The following PTPN14 variants were observed in gnomAD, a reference collection of about 807,000 sequenced individuals.
The protein encoded by PTPN14 is tyrosine-protein phosphatase non-receptor type 14.
A neutral mutation model predicts 126.8 loss-of-function variants in PTPN14; 53 were observed. That is an observed-to-expected ratio of 0.42 (90% CI 0.34 to 0.53). The LOEUF (loss-of-function observed/expected upper bound fraction) is 0.53. PTPN14 is among the 20% of genes least tolerant of loss of function. PTPN14 has a pLI of 0.08. For missense variants in PTPN14, 1,257 were observed against 1,552.9 expected (o/e 0.81, Z 3.20); for synonymous variants, 630 against 599.3 (o/e 1.05, Z -0.75).
chr1:214,550,214 G>A (rs1571665719), intron 1 of PTPN14, among the ~76,000 whole-genome samples: 1 of 152,238 alleles, frequency 6.6e-6, no homozygotes, highest in African/African-American at 2.4e-5. Context: ...GTTCCTAGCA[G>A]AGTAGAAGCT....
intron 1 of PTPN14, chr1:214,533,379 T>C: frequency 2.2e-6 from 1 of 456,468 alleles, no homozygotes; most frequent in South Asian, 1.9e-5. Flanking sequence ...CAGCAGCAAC[T>C]CCACGCAAAC....
At chr1:214,407,683 T>C (rs1659202374) in intron 5 of PTPN14, among the ~76,000 whole-genome samples, 1 of 152,342 alleles carries the variant, frequency 6.6e-6, no homozygotes, top group Admixed American at 6.5e-5. Flanking sequence ...GACACTCTAC[T>C]TTCTCCCATA....
At chr1:214,481,417 A>C (rs1660982537) in intron 1 of PTPN14, among the ~76,000 whole-genome samples, 1 of 147,170 alleles carries the variant, frequency 6.8e-6, no homozygotes, top group African/African-American at 2.5e-5. Context: ...AGGCTGAGGC[A>C]GGAGAATTGC....
intron 1 of PTPN14, among the ~76,000 whole-genome samples, chr1:214,525,392 A>G (rs1655363750): frequency 6.6e-6 from 1 of 152,236 alleles, no homozygotes; most frequent in African/African-American, 2.4e-5. Context: ...AAACAAGTAT[A>G]CTGCATACGT....
chr1:214,443,025 A>G (rs976150577), intron 3 of PTPN14, among the ~76,000 whole-genome samples: 3 of 151,962 alleles, frequency 2.0e-5, no homozygotes, highest in African/African-American at 7.3e-5. Context: ...GTTTCTCCAC[A>G]TTGGTCAGAC....
rs141964055 is a variant in PTPN14, at chr1:214,510,904, G to A, written c.-155+40279C>T. ...TTTTGTTTTTTTTTTAAGAGATGAG[G>A]TCTTGCTCTGTCACCTAGGCTGAAG... is the stretch of plus-strand genomic sequence containing the variant. On this transcript the variant is annotated intron_variant, in intron 1 of 18. Transcript: ENST00000366956. 7.2e-5 allele frequency among the ~76,000 whole-genome samples: 11 copies of A among 152,010 alleles called. No homozygotes were observed. In the East Asian group the frequency reaches 2.1e-3, roughly 29 times the overall value.
chr1:214,548,178 A>G (rs1237252623), intron 1 of PTPN14, among the ~76,000 whole-genome samples: 3 of 152,200 alleles, frequency 2.0e-5, no homozygotes, highest in Non-Finnish European at 4.4e-5. Flanking sequence ...TATGACGTCC[A>G]TCCAACATCA....
In PTPN14 at chr1:214,466,859, T is replaced by C. The variant is rs546452060; in HGVS notation, c.-154-1902A>G. The stretch of plus-strand genomic sequence containing the variant: ...GGAATTCTTAAAGTAATAAATAAAA[T>C]AGCTTCAATATTTATAAACCACTCC... On this transcript the variant is annotated intron_variant, in intron 1 of 18. Transcript: ENST00000366956. Among the ~76,000 whole-genome samples, 23 of 152,216 alleles carry C rather than the reference T, an allele frequency of 1.5e-4. No individual in the cohort carries two copies. The South Asian group carries it at 4.1e-3, about 27-fold the overall frequency.
At chr1:214,397,145 TC>T (rs1658897125) in intron 8 of PTPN14, among the ~76,000 whole-genome samples, 1 of 152,144 alleles carries the variant, frequency 6.6e-6, no homozygotes. Flanking sequence ...TGGTTACTGA[TC>T]CAGAGAGTAC....
At chr1:214,396,554 C>T (rs1571972720) in intron 8 of PTPN14, among the ~76,000 whole-genome samples, 3 of 152,290 alleles carry the variant, frequency 2.0e-5, no homozygotes, top group Admixed American at 2.0e-4. Context: ...ATACTCGGAG[C>T]CCCGCCACAT....
At chr1:214,426,032 C>CAAAAAAAA (rs66656875) in intron 3 of PTPN14, among the ~76,000 whole-genome samples, 16 of 33,866 alleles carry the variant, frequency 4.7e-4, no homozygotes, top group East Asian at 4.5e-3. Context: ...GCATAAATCG[C>CAAAAAAAA]AAAAAAAAAA....
intron 11 of PTPN14, among the ~76,000 whole-genome samples, chr1:214,389,913 G>A (rs1658711216): frequency 6.6e-6 from 1 of 152,194 alleles, no homozygotes; most frequent in South Asian, 2.1e-4. Context: ...AGGACCACAT[G>A]TGAGATATTG....
Position 214,486,103 on chromosome 1 carries a change from T to C in PTPN14, c.-154-21146A>G, listed in dbSNP as rs145519710. Among the ~76,000 whole-genome samples the C allele has an allele frequency of 1.8e-3, 276 of 152,254 alleles. 1 individual carries two copies. The highest frequency in any genetic ancestry group is 6.4e-3 in the African/African-American group (264 of 41,530). On this transcript the variant is annotated intron_variant, in intron 1 of 18. Coordinates refer to ENST00000366956, the MANE Select transcript of PTPN14 (RefSeq NM_005401.5). Reference sequence around the variant, plus strand: ...TGGCACTTAAAATGATCAGAATTACTCTGCAGGCAGGGGTAGAGGGAGGGG... The same window carrying C: ...TGGCACTTAAAATGATCAGAATTACCCTGCAGGCAGGGGTAGAGGGAGGGG...
intron 1 of PTPN14, among the ~76,000 whole-genome samples, chr1:214,522,049 G>A (rs148664484): frequency 8.8e-4 from 131 of 148,358 alleles, no homozygotes; most frequent in African/African-American, 2.7e-3. Context: ...CAGTTCTCCT[G>A]CCTCAGCCTC....
intron 1 of PTPN14, among the ~76,000 whole-genome samples, chr1:214,521,345 TC>T (rs1208364174): frequency 1.3e-5 from 2 of 152,198 alleles, no homozygotes; most frequent in African/African-American, 4.8e-5. Context: ...GATATAATCA[TC>T]CAATTAAAAC....
intron 13 of PTPN14, among the ~76,000 whole-genome samples, chr1:214,382,130 TG>T (rs1244639120): frequency 1.3e-5 from 2 of 152,238 alleles, no homozygotes. Flanking sequence ...CTTGAACTCC[TG>T]ACCTTGTGAT....
chr1:214,394,484 T>C (rs1438105735), intron 9 of PTPN14, among the ~76,000 whole-genome samples: 1 of 152,184 alleles, frequency 6.6e-6, no homozygotes, highest in African/African-American at 2.4e-5. Context: ...CTTGGCTCAT[T>C]GCAACCTCTG....
At chr1:214,508,900 T>C (rs145255329) in intron 1 of PTPN14, among the ~76,000 whole-genome samples, 90 of 152,324 alleles carry the variant, frequency 5.9e-4, no homozygotes, top group African/African-American at 2.1e-3. Flanking sequence ...CAATGAGCAA[T>C]AACATTTTGA....
intron 3 of PTPN14, among the ~76,000 whole-genome samples, chr1:214,428,975 G>C (rs1571994539): frequency 1.3e-5 from 2 of 152,246 alleles, no homozygotes; most frequent in East Asian, 3.9e-4. Flanking sequence ...GCCATCTGAA[G>C]TTTCTTGTTT....
Sources: allele counts gnomAD v4.1 joint callset (sites outside exome capture counted in the v4.1 genomes callset), GRCh38; gene constraint gnomAD v4.1.1; transcripts MANE v1.5; gene names NCBI Gene and HGNC (gene_info 2026-07-23, HGNC 2026-07-21).